The following UNC80 variants were observed in gnomAD, a reference collection of about 807,000 sequenced individuals.
The protein encoded by UNC80 is protein unc-80 homolog.
In UNC80, 164 loss-of-function variants were observed where a neutral mutation model predicts 384.6. The observed-to-expected ratio is 0.43, with a 90% CI of 0.38 to 0.49. UNC80 has a LOEUF of 0.49. UNC80 is among the 20% of genes least tolerant of loss of function. UNC80 has a pLI of 0.00. For missense variants in UNC80, 3,330 were observed against 4,143.0 expected, an observed-to-expected ratio of 0.80 and a Z score of 5.39; for synonymous variants, 1,486 against 1,527.8, an observed-to-expected ratio of 0.97 and a Z score of 0.64.
chr2:209,919,052 T>TA (rs2089812466), intron 33 of UNC80, among the ~76,000 whole-genome samples: 1 of 152,208 alleles, frequency 6.6e-6, no homozygotes, highest in South Asian at 2.1e-4. Context: ...GGCAGCTATT[T>TA]ACTTGTTTGA....
intron 52 of UNC80, chr2:209,968,960 T>G (rs2092808159): frequency 6.6e-6 from 1 of 152,228 alleles, no homozygotes; most frequent in Non-Finnish European, 1.5e-5. Flanking sequence ...GCATATTACC[T>G]TCAGTGTCGG....
At chr2:209,773,834 A>G (rs180979076) in intron 2 of UNC80, among the ~76,000 whole-genome samples, 2 of 152,352 alleles carry the variant, frequency 1.3e-5, no homozygotes, top group Admixed American at 6.5e-5. Context: ...AAAATGAATA[A>G]TATAAAATAA....
chr2:209,906,311 A>G (rs995587409), intron 29 of UNC80, among the ~76,000 whole-genome samples: 11 of 152,208 alleles, frequency 7.2e-5, no homozygotes, highest in Non-Finnish European at 1.5e-4. Context: ...TTTTAATAAT[A>G]CAAAATATTC....
intron 4 of UNC80, among the ~76,000 whole-genome samples, chr2:209,779,161 G>A (rs1027994539): frequency 6.6e-6 from 1 of 152,078 alleles, no homozygotes; most frequent in African/African-American, 2.4e-5. Flanking sequence ...CTTTAATAGG[G>A]ACTGTCCACC....
chr2:209,907,537 T>A (rs2088389035), intron 29 of UNC80, among the ~76,000 whole-genome samples: 2 of 152,138 alleles, frequency 1.3e-5, no homozygotes, highest in Non-Finnish European at 2.9e-5. Flanking sequence ...TGCATAGATG[T>A]TAATTGGATA....
At chr2:209,887,826 A>AT (rs1343400863) in intron 25 of UNC80, among the ~76,000 whole-genome samples, 1 of 152,212 alleles carries the variant, frequency 6.6e-6, no homozygotes, top group East Asian at 1.9e-4. Flanking sequence ...GGTAAGGAAG[A>AT]TAGTTTTGGA....
chr2:209,913,249 AATG>A (rs2089156122), intron 30 of UNC80, among the ~76,000 whole-genome samples: 1 of 152,200 alleles, frequency 6.6e-6, no homozygotes, highest in African/African-American at 2.4e-5. Flanking sequence ...TGGAATGTGA[AATG>A]ATGATGACTT....
At chr2:209,942,051 G>A (rs543433768) in intron 44 of UNC80, among the ~76,000 whole-genome samples, 1 of 152,216 alleles carries the variant, frequency 6.6e-6, no homozygotes, top group East Asian at 1.9e-4. Flanking sequence ...CCTAGAACAG[G>A]AATCCTCTAC....
Position 209,973,249 on chromosome 2 carries a change from A to G in UNC80, c.8566A>G (p.Thr2856Ala). 7 of 1,551,672 alleles carry G rather than the reference A, an allele frequency of 4.5e-6. No individual in the cohort carries two copies. The highest frequency in any genetic ancestry group is 6.1e-6 in the Non-Finnish European group (7 of 1,146,986). Reference protein sequence around the residue: ...DLRREGLAESTSQAAYLALKV... With the variant: ...DLRREGLAESASQAAYLALKV... ...GCGCAGGGAAGGGCTGGCTGAGTCC[A>G]CCAGCCAAGCAGCATACTTGGGTTG... Residue 2856 changes from threonine to alanine, a missense_variant, in exon 56 of 65, where the codon ACC becomes GCC. Thr to Ala is a moderately conservative substitution (Grantham distance 58, BLOSUM62 0). Transcript: ENST00000673920.
chr2:209,994,006 C>A, intron 63 of UNC80, 59 bp from the exon 64 acceptor site: 1 of 1,434,596 alleles, frequency 7.0e-7, no homozygotes, highest in Non-Finnish European at 9.4e-7. Context: ...AACTATTAAG[C>A]ATTGACGGTC....
intron 18 of UNC80, among the ~76,000 whole-genome samples, chr2:209,836,052 C>G (rs2081316475): frequency 6.6e-6 from 1 of 152,104 alleles, no homozygotes; most frequent in South Asian, 2.1e-4. Flanking sequence ...AGTATGGAGA[C>G]TAGGCTTGCT....
At chr2:209,797,979 T>C (rs1202098989) in intron 7 of UNC80, among the ~76,000 whole-genome samples, 1 of 152,262 alleles carries the variant, frequency 6.6e-6, no homozygotes, top group African/African-American at 2.4e-5. Context: ...TGACTGTTCA[T>C]ATCCTTTGCC....
Position 209,849,462 on chromosome 2 carries a change from T to C in UNC80, c.3466T>C (p.Phe1156Leu). 1 of 1,550,850 alleles carries C rather than the reference T, an allele frequency of 6.4e-7. No homozygotes were observed. The highest frequency in any genetic ancestry group is 8.7e-7 in the Non-Finnish European group (1 of 1,146,382). Residue 1156 changes from phenylalanine (F) to leucine (L), a missense_variant, in exon 22 of 65, where the codon TTT becomes CTT. By Grantham distance (22) the Phe-to-Leu change is conservative. Transcript: ENST00000673920. ...CACCACCTTTACAGGTTGCCACAGT[T>C]TTGATGATCATCTCTCTCCCAACCA... ...NFFKRLGCHS[F>L]DDHLSPNQDG...
chr2:209,797,922 T>C (rs940561298), intron 7 of UNC80, among the ~76,000 whole-genome samples: 2 of 152,204 alleles, frequency 1.3e-5, no homozygotes, highest in African/African-American at 2.4e-5. Flanking sequence ...GATGTTGAGC[T>C]TTTTTTCATA....
intron 42 of UNC80, among the ~76,000 whole-genome samples, chr2:209,939,259 A>G (rs973724205): frequency 3.3e-5 from 5 of 152,148 alleles, no homozygotes; most frequent in African/African-American, 1.2e-4. Flanking sequence ...TCCTTCTGTA[A>G]AGCAGGCAGA....
chr2:209,873,238 A>T (rs1292414917), intron 23 of UNC80, among the ~76,000 whole-genome samples: 1 of 152,224 alleles, frequency 6.6e-6, no homozygotes, highest in African/African-American at 2.4e-5. Flanking sequence ...ATCTATTAAT[A>T]GTAAGTAGAG....
intron 23 of UNC80, among the ~76,000 whole-genome samples, chr2:209,876,096 C>T (rs1035387268): frequency 6.6e-6 from 1 of 152,116 alleles, no homozygotes; most frequent in African/African-American, 2.4e-5. Context: ...GTCTCTTTAG[C>T]CAGTTAATGA....
At chr2:209,808,634 T>C (rs1574530565) in intron 7 of UNC80, among the ~76,000 whole-genome samples, 2 of 151,690 alleles carry the variant, frequency 1.3e-5, no homozygotes, top group South Asian at 2.1e-4. Context: ...ACGCCTCCAA[T>C]TGGCGCGAAA....
rs59504201 is a variant in UNC80, at chr2:209,995,372, C to G, written c.9752C>G (p.Thr3251Arg). The change falls in exon 65 of 65, where the codon ACA (threonine) becomes AGA (arginine). Residue 3251 changes from threonine to arginine, a missense_variant. By Grantham distance (71) the Thr-to-Arg change is moderately conservative. Coordinates refer to ENST00000673920, the MANE Select transcript of UNC80 (RefSeq NM_001371986.1). ...PTEEGEKEED[T>R]EAQGATAHSP... ...GAAGAAGGAGAAAAGGAGGAGGACA[C>G]AGAAGCACAAGGTGCTACTGCACAC... 3,497 of 1,552,182 alleles carry G rather than the reference C, an allele frequency of 2.3e-3. 49 individuals carry two copies. The African/African-American group carries it at 0.036, about 16-fold the overall frequency.
Sources: allele counts gnomAD v4.1 joint callset (sites outside exome capture counted in the v4.1 genomes callset), GRCh38; gene constraint gnomAD v4.1.1; transcripts MANE v1.5; gene names NCBI Gene and HGNC (gene_info 2026-07-23, HGNC 2026-07-21).